ERBB4: variants seen among roughly 807,000 people sequenced by gnomAD.
ERBB4 encodes the protein erb-b2 receptor tyrosine kinase 4, also known as receptor tyrosine-protein kinase erbB-4.
A neutral mutation model predicts 158.0 loss-of-function variants in ERBB4; 42 were observed. That is an observed-to-expected ratio of 0.27 (90% CI 0.21 to 0.34). The LOEUF (loss-of-function observed/expected upper bound fraction) is 0.34, where lower values mean the gene tolerates loss of function less well. ERBB4 is among the 10% of genes least tolerant of loss of function. The probability of loss-of-function intolerance (pLI) is 1.00; values close to 1 mark genes in which losing one functional copy is unlikely to be tolerated. For synonymous variants in ERBB4, 583 were observed against 558.7 expected (o/e 1.04, Z -0.61); for missense variants, 1,333 against 1,624.1 (o/e 0.82, Z 3.08).
At chr2:211,823,728 A>G (rs1296299048) in intron 3 of ERBB4, among the ~76,000 whole-genome samples, 3 of 151,982 alleles carry the variant, frequency 2.0e-5, no homozygotes, top group Non-Finnish European at 2.9e-5. Context: ...AAATGTCATT[A>G]ATCAATGATG....
intron 1 of ERBB4, among the ~76,000 whole-genome samples, chr2:212,376,142 C>A (rs570423297): frequency 6.6e-6 from 1 of 152,210 alleles, no homozygotes; most frequent in Admixed American, 6.6e-5. Context: ...AGTGGAGCAA[C>A]TTTCCACTCG....
In ERBB4 at chr2:211,387,133, T is replaced by A; in HGVS notation, c.3201A>T (p.Arg1067=). The A allele has an allele frequency of 6.2e-7, 1 of 1,613,622 alleles. No homozygotes were observed. The highest frequency in any genetic ancestry group is 8.5e-7 in the Non-Finnish European group (1 of 1,179,526). ...TPMSGNQFVY[R]DGGFAAEQGV... Reference sequence around the variant, plus strand: ...CTTGTTCAGCAGCAAAACCTCCATCTCGGTATACAAACTGGTTCTGTTAAT... The same window carrying A: ...CTTGTTCAGCAGCAAAACCTCCATCACGGTATACAAACTGGTTCTGTTAAT... The change falls in exon 27 of 28, where the codon CGA becomes CGT. Residue 1067 remains arginine, a synonymous_variant. Coordinates refer to ENST00000342788, the MANE Select transcript of ERBB4 (RefSeq NM_005235.3).
intron 1 of ERBB4, among the ~76,000 whole-genome samples, chr2:212,246,104 G>A (rs748276265): frequency 6.6e-6 from 1 of 152,154 alleles, no homozygotes; most frequent in Non-Finnish European, 1.5e-5. Context: ...CTCTGTAAAT[G>A]TAGATTAACT....
intron 7 of ERBB4, among the ~76,000 whole-genome samples, chr2:211,717,144 G>T (rs1400439375): frequency 6.6e-6 from 1 of 152,144 alleles, no homozygotes; most frequent in Non-Finnish European, 1.5e-5. Flanking sequence ...GCATAGTTTT[G>T]ACTGTCTTTG....
chr2:211,686,846 C>T (rs930242992), intron 12 of ERBB4, among the ~76,000 whole-genome samples: 2 of 152,066 alleles, frequency 1.3e-5, no homozygotes, highest in Non-Finnish European at 2.9e-5. Flanking sequence ...GATACATTGG[C>T]CTTTAGTTTT....
intron 1 of ERBB4, among the ~76,000 whole-genome samples, chr2:212,281,404 A>G (rs888206384): frequency 6.6e-6 from 1 of 151,850 alleles, no homozygotes; most frequent in African/African-American, 2.4e-5. Context: ...AGACTTCTAA[A>G]CAAATGCCAT....
chr2:212,158,605 G>A (rs1488270483), intron 1 of ERBB4, among the ~76,000 whole-genome samples: 2 of 151,742 alleles, frequency 1.3e-5, no homozygotes, highest in Non-Finnish European at 2.9e-5. Flanking sequence ...AATTATTAAT[G>A]ACTTTATTAA....
chr2:211,484,821 T>C (rs2065165893), intron 20 of ERBB4, among the ~76,000 whole-genome samples: 2 of 152,164 alleles, frequency 1.3e-5, no homozygotes, highest in Admixed American at 6.6e-5. Context: ...CCAGCACAGA[T>C]AAAGAACACT....
chr2:211,444,679 T>G (rs1024480192), intron 20 of ERBB4, among the ~76,000 whole-genome samples: 2 of 152,096 alleles, frequency 1.3e-5, no homozygotes, highest in African/African-American at 4.8e-5. Context: ...TCACTCTCTA[T>G]GTAGTTGAAA....
chr2:212,054,010 G>GA (rs2077478616), intron 2 of ERBB4, among the ~76,000 whole-genome samples: 1 of 152,112 alleles, frequency 6.6e-6, no homozygotes, highest in South Asian at 2.1e-4. Context: ...GAAGAGGGGA[G>GA]AAAATCAGGA....
At chr2:212,028,305 C>T (rs960818928) in intron 2 of ERBB4, among the ~76,000 whole-genome samples, 11 of 152,026 alleles carry the variant, frequency 7.2e-5, no homozygotes, top group South Asian at 2.1e-4. Flanking sequence ...AATATGTCTA[C>T]GACCTAAGCG....
At chr2:211,973,676 T>C (rs1243643753) in intron 2 of ERBB4, among the ~76,000 whole-genome samples, 1 of 152,182 alleles carries the variant, frequency 6.6e-6, no homozygotes, top group African/African-American at 2.4e-5. Flanking sequence ...AGTGTGGCAA[T>C]TCCTCGAAGA....
At chr2:211,406,269 T>C (rs1268863086) in intron 25 of ERBB4, among the ~76,000 whole-genome samples, 1 of 152,220 alleles carries the variant, frequency 6.6e-6, no homozygotes, top group Non-Finnish European at 1.5e-5. Context: ...CATATGGCTC[T>C]AGTGGGAAAC....
At chr2:211,406,305 C>T (rs950862827) in intron 25 of ERBB4, among the ~76,000 whole-genome samples, 2 of 152,014 alleles carry the variant, frequency 1.3e-5, no homozygotes, top group Admixed American at 6.6e-5. Flanking sequence ...ATAGTAGATA[C>T]CTAAATAAAT....
intron 12 of ERBB4, among the ~76,000 whole-genome samples, chr2:211,700,703 TCA>T (rs971455104): frequency 2.0e-5 from 3 of 151,778 alleles, no homozygotes; most frequent in Admixed American, 6.6e-5. Flanking sequence ...TTCTATTTAT[TCA>T]CACACACACA....
In ERBB4 at chr2:211,383,523, C is replaced by A; in HGVS notation, c.*92G>T. 9.7e-7 allele frequency: 1 copy of A among 1,035,910 alleles called. No homozygotes were observed. 64.2% of individuals were successfully genotyped at this position (1,035,910 alleles called of 1,614,324 possible). A position where few individuals can be genotyped will look rare whatever the true frequency, so the allele number is the denominator to read the frequency against. On this transcript the variant is annotated 3_prime_UTR_variant, in exon 28 of 28. Transcript: ENST00000342788. ...CACTGGGAAGTGTCAAAACTACTGG[C>A]CTTGGGGTAGAAGGAAGACCACCAG...
intron 3 of ERBB4, among the ~76,000 whole-genome samples, chr2:211,877,886 T>A (rs914194608): frequency 6.6e-6 from 1 of 152,098 alleles, no homozygotes; most frequent in Admixed American, 6.6e-5. Context: ...GGCGGGCGGG[T>A]CACCTGAGGT....
At chr2:212,322,457 CTA>C (rs2087610764) in intron 1 of ERBB4, among the ~76,000 whole-genome samples, 1 of 150,492 alleles carries the variant, frequency 6.6e-6, no homozygotes, top group Non-Finnish European at 1.5e-5. Context: ...ATTTTAAAAA[CTA>C]TTTTATGTGA....
chr2:211,407,813 A>G (rs1348436852), intron 25 of ERBB4, among the ~76,000 whole-genome samples: 1 of 152,244 alleles, frequency 6.6e-6, no homozygotes, highest in African/African-American at 2.4e-5. Flanking sequence ...GAGCGAGGAA[A>G]GGGACTGAAA....
Sources: gnomAD v4.1 joint callset for allele counts (sites outside exome capture counted in the v4.1 genomes callset) on GRCh38, gnomAD v4.1.1 for gene constraint, MANE v1.5 for transcripts, NCBI Gene and HGNC (gene_info 2026-07-23, HGNC 2026-07-21) for gene names.